TMEM178B: variants seen among roughly 807,000 people sequenced by gnomAD.
TMEM178B encodes transmembrane protein 178B.
In TMEM178B, 5 loss-of-function variants were observed where a neutral mutation model predicts 31.0. The observed-to-expected ratio is 0.16, with a 90% CI of 0.08 to 0.34. The LOEUF (loss-of-function observed/expected upper bound fraction) is 0.34, where lower values mean the gene tolerates loss of function less well. TMEM178B is among the 10% of genes least tolerant of loss of function. TMEM178B has a pLI of 1.00. For synonymous variants in TMEM178B, 164 were observed against 164.0 expected (o/e 1.00, Z 0.00); for missense variants, 275 against 400.3 (o/e 0.69, Z 2.67).
intron 2 of TMEM178B, among the ~76,000 whole-genome samples, chr7:141,244,436 T>G (rs1797693079): frequency 6.6e-6 from 1 of 152,092 alleles, no homozygotes; most frequent in Non-Finnish European, 1.5e-5. Context: ...CATTTTGAGT[T>G]GGAATAAAAG....
intron 2 of TMEM178B, among the ~76,000 whole-genome samples, chr7:141,379,057 T>TGGAGA (rs2116583525): frequency 6.6e-6 from 1 of 152,228 alleles, no homozygotes; most frequent in East Asian, 1.9e-4. Flanking sequence ...ACTCCGGATT[T>TGGAGA]GGAGAGCCAT....
intron 2 of TMEM178B, among the ~76,000 whole-genome samples, chr7:141,364,436 G>A (rs953167484): frequency 2.6e-5 from 4 of 152,012 alleles, no homozygotes; most frequent in East Asian, 1.9e-4. Context: ...CAAGGTGGGC[G>A]GATCCTGAGG....
intron 2 of TMEM178B, among the ~76,000 whole-genome samples, chr7:141,376,075 G>C (rs1433180540): frequency 6.6e-6 from 1 of 152,186 alleles, no homozygotes; most frequent in Non-Finnish European, 1.5e-5. Context: ...TTCAGCATTT[G>C]TCTCCCTTTT....
chr7:141,353,350 T>C (rs919614015), intron 2 of TMEM178B, among the ~76,000 whole-genome samples: 3 of 152,068 alleles, frequency 2.0e-5, no homozygotes, highest in Non-Finnish European at 4.4e-5. Flanking sequence ...ACAAGACTCA[T>C]TTTGAGCTGG....
chr7:141,428,381 A>AG (rs1421210587), intron 2 of TMEM178B, among the ~76,000 whole-genome samples: 1 of 141,518 alleles, frequency 7.1e-6, no homozygotes, highest in Non-Finnish European at 1.5e-5. Context: ...AAAAAAAAAA[A>AG]AAAGAAAAAA....
intron 1 of TMEM178B, among the ~76,000 whole-genome samples, chr7:141,095,257 T>C (rs1794938866): frequency 6.6e-6 from 1 of 152,174 alleles, no homozygotes; most frequent in Non-Finnish European, 1.5e-5. Context: ...ATTTTCCCCA[T>C]TGCCTTCTAC....
rs114348602 is a variant in TMEM178B, at chr7:141,374,767, T to C, written c.497-62841T>C. 1.7e-3 allele frequency among the ~76,000 whole-genome samples: 264 copies of C among 152,380 alleles called. 1 individual carries two copies. Among genetic ancestry groups the C allele is most frequent in the African/African-American group, 6.1e-3 (254 of 41,598 alleles). ...GTAGGCAATTTTCTCTGTGCGACTA[T>C]AGATTCATCTTTGGTATTTGAACTA... is the stretch of plus-strand genomic sequence containing the variant. On this transcript the variant is annotated intron_variant, in intron 2 of 3. Transcript: ENST00000565468.
intron 2 of TMEM178B, among the ~76,000 whole-genome samples, chr7:141,287,841 TG>T (rs1043679766): frequency 2.4e-4 from 37 of 152,196 alleles, no homozygotes; most frequent in African/African-American, 8.9e-4. Context: ...TTCTTTATGG[TG>T]TTTATTCTAC....
intron 1 of TMEM178B, among the ~76,000 whole-genome samples, chr7:141,156,397 G>A (rs761092366): frequency 1.3e-5 from 2 of 152,218 alleles, no homozygotes; most frequent in Non-Finnish European, 2.9e-5. Flanking sequence ...TGAAATCTGT[G>A]TGAAGCAGAG....
At chr7:141,264,637 AT>A (rs56959909) in intron 2 of TMEM178B, among the ~76,000 whole-genome samples, 3,688 of 152,300 alleles carry the variant, frequency 0.024, 146 homozygotes, top group African/African-American at 0.084. Context: ...CTAGGTTGTG[AT>A]TTACTCTTTC....
At chr7:141,405,215 G>A (rs1215220952) in intron 2 of TMEM178B, among the ~76,000 whole-genome samples, 1 of 152,216 alleles carries the variant, frequency 6.6e-6, no homozygotes, top group Non-Finnish European at 1.5e-5. Flanking sequence ...GCAGCTCCTC[G>A]GACAAACTGG....
intron 1 of TMEM178B, among the ~76,000 whole-genome samples, chr7:141,180,460 T>C (rs1396876911): frequency 2.4e-5 from 1 of 42,060 alleles, no homozygotes; most frequent in Non-Finnish European, 4.5e-5. Context: ...AGAGAGCCCA[T>C]CTCAAAAAAA....
chr7:141,362,174 CCCACAGAT>C (rs1388767713), intron 2 of TMEM178B, among the ~76,000 whole-genome samples: 2 of 152,128 alleles, frequency 1.3e-5, no homozygotes, highest in African/African-American at 4.8e-5. Flanking sequence ...TTCAACAGGC[CCCACAGAT>C]TAAGATATGA....
At chr7:141,348,854 A>C (rs989433611) in intron 2 of TMEM178B, among the ~76,000 whole-genome samples, 1 of 152,340 alleles carries the variant, frequency 6.6e-6, no homozygotes, top group African/African-American at 2.4e-5. Flanking sequence ...ATTAGCGAGC[A>C]GAACTGACAG....
intron 1 of TMEM178B, among the ~76,000 whole-genome samples, chr7:141,208,922 G>A (rs184936031): frequency 2.6e-5 from 4 of 152,344 alleles, no homozygotes; most frequent in African/African-American, 9.6e-5. Flanking sequence ...GCTGGGTCTT[G>A]GAGGTGTTTT....
chr7:141,182,540 G>A (rs1248584043), intron 1 of TMEM178B, among the ~76,000 whole-genome samples: 2 of 152,188 alleles, frequency 1.3e-5, no homozygotes, highest in African/African-American at 4.8e-5. Context: ...AATCACACAG[G>A]TAAGAGAAGA....
the TMEM178B span, among the ~76,000 whole-genome samples, chr7:141,486,438 C>T: frequency 9.5e-3 from 1,444 of 152,218 alleles, 15 homozygotes; most frequent in Non-Finnish European, 0.014. Flanking sequence ...CCTGTCTGCC[C>T]CCAGTGAGGT....
chr7:141,508,990 A>C, the TMEM178B span, among the ~76,000 whole-genome samples: 1 of 152,234 alleles, frequency 6.6e-6, no homozygotes. Context: ...GGTATTTTGC[A>C]TGTGGTTCAA....
chr7:141,331,515 G>A (rs930742488), intron 2 of TMEM178B, among the ~76,000 whole-genome samples: 1 of 152,190 alleles, frequency 6.6e-6, no homozygotes, highest in African/African-American at 2.4e-5. Flanking sequence ...TTAGCAGCAT[G>A]AAGTGCAATG....
Sources: allele counts gnomAD v4.1 joint callset (sites outside exome capture counted in the v4.1 genomes callset), GRCh38; gene constraint gnomAD v4.1.1; transcripts MANE v1.5; gene names NCBI Gene and HGNC (gene_info 2026-07-23, HGNC 2026-07-21).